FAT2: variants seen among roughly 807,000 people sequenced by gnomAD.
The protein encoded by FAT2 is FAT atypical cadherin 2.
A neutral mutation model predicts 295.3 loss-of-function variants in FAT2; 150 were observed. The ratio of observed to expected loss-of-function variants is 0.51; its 90% CI spans 0.44 to 0.58. The LOEUF is 0.58. FAT2 is among the 20% of genes least tolerant of loss of function. The probability of loss-of-function intolerance (pLI) is 0.00; values close to 1 mark genes in which losing one functional copy is unlikely to be tolerated. For missense variants in FAT2, 4,868 were observed against 5,442.7 expected, an observed-to-expected ratio of 0.89 and a Z score of 3.32; for synonymous variants, 2,026 against 2,150.3, an observed-to-expected ratio of 0.94 and a Z score of 1.60.
intron 1 of FAT2, among the ~76,000 whole-genome samples, chr5:151,578,597 C>T (rs542627146): frequency 8.5e-5 from 13 of 152,298 alleles, no homozygotes; most frequent in African/African-American, 3.1e-4. Context: ...CTACCATATG[C>T]TCCAGCAATC....
intron 20 of FAT2, among the ~76,000 whole-genome samples, chr5:151,515,509 T>C (rs1426724554): frequency 6.6e-6 from 1 of 152,072 alleles, no homozygotes; most frequent in Non-Finnish European, 1.5e-5. Flanking sequence ...AACTTACACA[T>C]CCGAAACTGC....
At position 151,545,655 on chromosome 5, in the gene FAT2, A is replaced by C. The variant is rs1339670661; in HGVS notation, c.5472T>G (p.Ile1824Met). ...KIDPSMGTLT[I>M]VSEMDYESMP... ...TGCTCTCATAATCCATCTCTGATAC[A>C]ATGGTTAGGGTTCCCATGCTGGGAT... The change falls in exon 10 of 24, where the codon ATT (isoleucine) becomes ATG (methionine). Residue 1824 changes from isoleucine (I) to methionine (M), a missense_variant. Physicochemically the swap from Ile to Met is conservative, Grantham distance 10. This residue lies in a region of FAT2 where 3,297 missense variants were observed against 3,669.4 expected (regional missense o/e 0.90). Transcript: ENST00000261800. The C allele has an allele frequency of 6.2e-7, 1 of 1,614,206 alleles. No homozygotes were observed. The highest frequency in any genetic ancestry group is 8.5e-7 in the Non-Finnish European group (1 of 1,180,044).
chr5:151,540,736 A>G lies in FAT2; in HGVS notation c.8870T>C (p.Ile2957Thr), dbSNP rs2127602793. 1 of 1,614,084 alleles carries G rather than the reference A, an allele frequency of 6.2e-7. No homozygotes were observed. Among genetic ancestry groups the G allele is most frequent in the Non-Finnish European group, 8.5e-7 (1 of 1,179,992 alleles). Residue 2957 changes from isoleucine (I) to threonine (T), a missense_variant, in exon 11 of 24, where the codon ATC (isoleucine) becomes ACC (threonine). Physicochemically the swap from Ile to Thr is moderately conservative, Grantham distance 89 (BLOSUM62 -1). Around this residue, in one of 5 missense-constraint regions of FAT2, gnomAD observed 3,297 missense variants for 3,669.4 expected, o/e 0.90. Coordinates refer to ENST00000261800, the MANE Select transcript of FAT2 (RefSeq NM_001447.3). ...TEGDPLGQFG[I>T]SQVGDEWRIS... ...CCTCCACTCATCTCCAACTTGGCTG[A>G]TGCCAAACTGGCCCAGGGGGTCTCC...
chr5:151,521,306 GC>G lies in FAT2; in HGVS notation c.11286del (p.His3763ThrfsTer38). ...STARLSILTP[R>X]HHLQRSCSCN... ...CAGGAGCAGCTCCTCTGCAGGTGGT[GC>G]CGCGGGGTTAGGATGCTGAGCCTGG... On this transcript the variant is annotated frameshift_variant, in exon 19 of 24. Transcript: ENST00000261800. LOFTEE classifies it high-confidence loss of function. 1 of 1,611,924 alleles carries G rather than the reference GC, an allele frequency of 6.2e-7. No individual in the cohort carries two copies. Among genetic ancestry groups the G allele is most frequent in the Non-Finnish European group, 8.5e-7 (1 of 1,178,312 alleles).
At chr5:151,540,810 A>T (rs1430369704) in intron 10 of FAT2, 47 bp from the exon 11 acceptor site, 1 of 1,537,070 alleles carries the variant, frequency 6.5e-7, no homozygotes, top group Non-Finnish European at 8.9e-7. Context: ...ATAGGAATGA[A>T]CTAGGCTTTG....
At position 151,542,951 on chromosome 5, in the gene FAT2, G is replaced by T; in HGVS notation, c.8176C>A (p.Leu2726Ile). The change falls in exon 10 of 24, where the codon CTA becomes ATA. Residue 2726 changes from leucine to isoleucine, a missense_variant. Leu to Ile is a conservative substitution (Grantham distance 5). Coordinates refer to ENST00000261800, the MANE Select transcript of FAT2 (RefSeq NM_001447.3). ...CTCTCAGGTGTAGTGCCCCGCACTA[G>T]ACTGTAGATGACTGGATCTTGAGCT... ...VAAQDPVIYS[L>I]VRGTTPESNK... 2 of 1,614,228 alleles carry T rather than the reference G, an allele frequency of 1.2e-6. No homozygotes were observed. The highest frequency in any genetic ancestry group is 4.5e-5 in the East Asian group (2 of 44,888).
Position 151,566,991 on chromosome 5 carries a change from G to A in FAT2, c.1941C>T (p.Asn647=). The change falls in exon 2 of 24, where the codon AAC becomes AAT. Residue 647 remains asparagine, a synonymous_variant. Transcript: ENST00000261800. ...SLKITASDGK[N]YASPTTLNIT... is the part of the protein sequence containing the mutation. Reference sequence around the variant, plus strand: ...TATTCAAAGTTGTGGGTGAGGCATAGTTTTTGCCATCTGAGGCTGTAATCT... The same window carrying A: ...TATTCAAAGTTGTGGGTGAGGCATAATTTTTGCCATCTGAGGCTGTAATCT... The A allele has an allele frequency of 6.2e-7, 1 of 1,614,154 alleles. No homozygotes were observed. Among genetic ancestry groups the A allele is most frequent in the Non-Finnish European group, 8.5e-7 (1 of 1,180,032 alleles).
chr5:151,527,497 C>G (rs1754142618), intron 16 of FAT2, 120 bp from the exon 17 acceptor site: 1 of 903,350 alleles, frequency 1.1e-6, no homozygotes, highest in Non-Finnish European at 1.6e-6. Flanking sequence ...ATGCCCACCC[C>G]CACTGCCCAC....
Position 151,545,314 on chromosome 5 carries a change from T to G in FAT2, c.5813A>C (p.Lys1938Thr). Residue 1938 changes from lysine (K) to threonine (T), a missense_variant, in exon 10 of 24, where the codon AAG (lysine) becomes ACG (threonine). Transcript: ENST00000261800. ...LNPAFLGLSR[K>T]LTIRASDGLY... ...GCCATCAGAAGCCCTGATGGTGAGC[T>G]TCCGAGAGAGTCCCAGGAAAGCAGG... The G allele has an allele frequency of 6.2e-7, 1 of 1,614,088 alleles. No individual in the cohort carries two copies. The highest frequency in any genetic ancestry group is 1.3e-5 in the African/African-American group (1 of 75,008).
At chr5:151,573,739 A>T (rs527987669) in intron 1 of FAT2, among the ~76,000 whole-genome samples, 2 of 152,328 alleles carry the variant, frequency 1.3e-5, no homozygotes, top group South Asian at 4.1e-4. Flanking sequence ...TCTGCAACTT[A>T]GTGCTGTAGG....
At chr5:151,587,673 T>C (rs906645185) in intron 1 of FAT2, among the ~76,000 whole-genome samples, 30 of 152,118 alleles carry the variant, frequency 2.0e-4, no homozygotes, top group African/African-American at 6.3e-4. Context: ...AAACCACCCA[T>C]TTATGGGTCT....
chr5:151,511,566 T>A (rs1761326379), intron 21 of FAT2: 1 of 153,224 alleles, frequency 6.5e-6, no homozygotes, highest in South Asian at 2.1e-4. Context: ...TGGAGATGGG[T>A]GTTTGGAGTG....
In FAT2 at chr5:151,543,793, T is replaced by G; in HGVS notation, c.7334A>C (p.His2445Pro). 2 of 1,614,208 alleles carry G rather than the reference T, an allele frequency of 1.2e-6. No homozygotes were observed. The highest frequency in any genetic ancestry group is 1.7e-6 in the Non-Finnish European group (2 of 1,180,038). The change falls in exon 10 of 24, where the codon CAC becomes CCC. Residue 2445 changes from histidine to proline, a missense_variant. Physicochemically the swap from His to Pro is moderately conservative, Grantham distance 77 (BLOSUM62 -2). Coordinates refer to ENST00000261800, the MANE Select transcript of FAT2 (RefSeq NM_001447.3). ...IISMFNLCKK[H>P]LDSSYNLRVG... ...CCTCAAATTGTAAGAAGAGTCCAGG[T>G]GCTTTTTGCAAAGGTTGAACATAGA... is the stretch of plus-strand genomic sequence containing the variant.
rs749055015 is a variant in FAT2 at position 151,567,135 on chromosome 5, G to A, written c.1797C>T (p.Tyr599=). The A allele has an allele frequency of 4.7e-5, 76 of 1,613,994 alleles. No individual in the cohort carries two copies. Among genetic ancestry groups the A allele is most frequent in the South Asian group, 1.9e-4 (17 of 91,062 alleles). ...CTAGTTCATTGCCTGATACAATCTC[G>A]TATTTTAGGTTCTGAAGCTCATCCA... ...IDVDELQNLK[Y]EIVSGNELEY... is the part of the protein sequence containing the mutation. The change falls in exon 2 of 24, where the codon TAC becomes TAT. Residue 599 remains tyrosine (Y), a synonymous_variant. Transcript: ENST00000261800.
intron 8 of FAT2, among the ~76,000 whole-genome samples, chr5:151,550,085 G>A (rs1757039576): frequency 6.6e-6 from 1 of 152,186 alleles, no homozygotes; most frequent in South Asian, 2.1e-4. Flanking sequence ...AATGGGCAGG[G>A]TCAGGGATAG....
In FAT2 at chr5:151,529,342, A is replaced by G. The variant is rs377706717; in HGVS notation, c.9862T>C (p.Phe3288Leu). Residue 3288 changes from phenylalanine to leucine, a missense_variant, in exon 15 of 24, where the codon TTC becomes CTC. Transcript: ENST00000261800. ...TTCCGGCTGCACTCAATGGACAGGA[A>G]GTACTTGGGGCTTGTCTCAAAGTCC... ...SLDFETSPKY[F>L]LSIECSRKSS... 1 of 1,614,112 alleles carries G rather than the reference A, an allele frequency of 6.2e-7. No individual in the cohort carries two copies. The highest frequency in any genetic ancestry group is 8.5e-7 in the Non-Finnish European group (1 of 1,180,022).
rs370336032 is a variant in FAT2 at position 151,563,340 on chromosome 5, T to C, written c.3559A>G (p.Ile1187Val). ...GGATCCTTACCTGTAACAGGGTGAA[T>C]CATAAAGAATCCCATGTAGTTCCCA... ...TSGNYMGFFM[I>V]HPVTGLLSTA... is the part of the protein sequence containing the mutation. The change falls in exon 3 of 24, where the codon ATT (isoleucine) becomes GTT (valine). Residue 1187 changes from isoleucine to valine, a missense_variant. This residue lies in a region of FAT2 where 3,297 missense variants were observed against 3,669.4 expected (regional missense o/e 0.90). Transcript: ENST00000261800. 4 of 1,613,956 alleles carry C rather than the reference T, an allele frequency of 2.5e-6. No individual in the cohort carries two copies. The highest frequency in any genetic ancestry group is 3.4e-6 in the Non-Finnish European group (4 of 1,179,970).
chr5:151,536,805 G>C (rs1755355744), intron 12 of FAT2, among the ~76,000 whole-genome samples: 1 of 152,202 alleles, frequency 6.6e-6, no homozygotes, highest in South Asian at 2.1e-4. Context: ...TCTTGGCCAT[G>C]ACACTCACCT....
At position 151,507,501 on chromosome 5, in the gene FAT2, G is replaced by A. The variant is rs767959528; in HGVS notation, c.12170C>T (p.Ala4057Val). 15 of 1,613,978 alleles carry A rather than the reference G, an allele frequency of 9.3e-6. No individual in the cohort carries two copies. Among genetic ancestry groups the A allele is most frequent in the East Asian group, 4.5e-5 (2 of 44,880 alleles). Residue 4057 changes from alanine to valine, a missense_variant, in exon 23 of 24, where the codon GCG becomes GTG. By Grantham distance (64) the Ala-to-Val change is moderately conservative (BLOSUM62 0). Coordinates refer to ENST00000261800, the MANE Select transcript of FAT2 (RefSeq NM_001447.3). ...CCCGACAGTGCTTATGATAATGAAC[G>A]CCACGGCCACTGTGATGATCAGTAA... Reference protein sequence around the residue: ...QELLIITVAVAFIIISTVGLL... With the variant: ...QELLIITVAVVFIIISTVGLL...
Sources: gnomAD v4.1 joint callset for allele counts (sites outside exome capture counted in the v4.1 genomes callset) on GRCh38, gnomAD v4.1.1 for gene constraint, gnomAD v4.1.1 regional missense constraint, MANE v1.5 for transcripts, NCBI Gene and HGNC (gene_info 2026-07-23, HGNC 2026-07-21) for gene names.